EVA1C: variants seen among roughly 807,000 people sequenced by gnomAD.
The protein encoded by EVA1C is eva-1 homolog C, also known as protein eva-1 homolog C.
Under a neutral mutation model 45.4 loss-of-function variants are expected in EVA1C, and 25 were observed. The ratio of observed to expected loss-of-function variants is 0.55; its 90% confidence interval spans 0.40 to 0.77. The LOEUF is 0.77. Among genes scored for constraint, EVA1C ranks in the 30% least tolerant of loss-of-function variants. EVA1C has a pLI of 0.00. For missense variants in EVA1C, 479 were observed against 554.8 expected, an observed-to-expected ratio of 0.86 and a Z score of 1.37; for synonymous variants, 190 against 221.2, an observed-to-expected ratio of 0.86 and a Z score of 1.25.
intron 5 of EVA1C, 33 bp downstream of exon 5, chr21:32,495,203 A>T (rs1364741797): frequency 6.2e-7 from 1 of 1,607,800 alleles, no homozygotes; most frequent in Non-Finnish European, 8.5e-7. Flanking sequence ...CTGCCTGATG[A>T]CACTGCCTCT....
chr21:32,495,718 T>G (rs184822140), intron 5 of EVA1C, among the ~76,000 whole-genome samples: 1 of 152,374 alleles, frequency 6.6e-6, no homozygotes, highest in East Asian at 1.9e-4. Flanking sequence ...TGTCTTTAAA[T>G]GATAAAATGA....
chr21:32,485,301 A>T (rs901012929), intron 4 of EVA1C, among the ~76,000 whole-genome samples: 10 of 152,072 alleles, frequency 6.6e-5, no homozygotes, highest in African/African-American at 2.4e-4. Flanking sequence ...CAGAGTGGCT[A>T]GGATTACAGG....
At chr21:32,457,296 CT>C (rs2035820486) in intron 2 of EVA1C, among the ~76,000 whole-genome samples, 4 of 152,344 alleles carry the variant, frequency 2.6e-5, no homozygotes, top group Admixed American at 2.6e-4. Context: ...CTTGCACCCC[CT>C]GGAGCCTCGG....
Position 32,493,984 on chromosome 21 carries a change from G to A in EVA1C, c.635-1043G>A, listed in dbSNP as rs544647662. Among the ~76,000 whole-genome samples the A allele has an allele frequency of 2.0e-5, 3 of 152,128 alleles. No homozygotes were observed. In the East Asian group the frequency reaches 5.8e-4, roughly 30 times the overall value. On this transcript the variant is annotated intron_variant, in intron 4 of 7. Transcript: ENST00000300255. ...CCGGCTAATTTTTGTATTTTTAGTA[G>A]AGATGGGGTTTTGCCATGTTGGCCA...
intron 1 of EVA1C, among the ~76,000 whole-genome samples, chr21:32,449,935 T>C (rs2035517152): frequency 6.6e-6 from 1 of 152,208 alleles, no homozygotes; most frequent in South Asian, 2.1e-4. Flanking sequence ...GCCTAGGTTT[T>C]TGAAGAAGGA....
chr21:32,494,968 C>G, intron 4 of EVA1C, 59 bp from the exon 5 acceptor site: 2 of 1,535,568 alleles, frequency 1.3e-6, no homozygotes, highest in Non-Finnish European at 1.8e-6. Context: ...ATGCTGTAGG[C>G]TATGTGGTGG....
chr21:32,411,929 A>G (rs533668558), upstream of EVA1C: 9 of 152,346 alleles, frequency 5.9e-5, no homozygotes, highest in African/African-American at 2.2e-4. Flanking sequence ...CCCCGCGCAC[A>G]GTCTAGAGGT....
At chr21:32,487,156 A>G (rs1429357858) in intron 4 of EVA1C, among the ~76,000 whole-genome samples, 1 of 152,086 alleles carries the variant, frequency 6.6e-6, no homozygotes, top group Non-Finnish European at 1.5e-5. Flanking sequence ...TTTTAACCAC[A>G]CCTGAGTTTA....
At position 32,495,094 on chromosome 21, in the gene EVA1C, C is replaced by T. The variant is rs1418277654; in HGVS notation, c.702C>T (p.Ile234=). Reference sequence around the variant, plus strand: ...GCTATGGGAAGCAGAGATGCAAAATCATCGTCAACAATCACCATTTTGGAA... The same window carrying T: ...GCTATGGGAAGCAGAGATGCAAAATTATCGTCAACAATCACCATTTTGGAA... The part of the protein sequence containing the change: ...RRCYGKQRCK[I]IVNNHHFGSP... The change falls in exon 5 of 8, where the codon ATC becomes ATT. Residue 234 remains isoleucine, a synonymous_variant. Transcript: ENST00000300255. 1 of 1,614,028 alleles carries T rather than the reference C, an allele frequency of 6.2e-7. No homozygotes were observed. Among genetic ancestry groups the T allele is most frequent in the African/African-American group, 1.3e-5 (1 of 74,914 alleles).
chr21:32,501,065 G>A (rs1169342691), intron 5 of EVA1C, among the ~76,000 whole-genome samples: 9 of 152,180 alleles, frequency 5.9e-5, no homozygotes, highest in East Asian at 1.9e-4. Context: ...TGTCCACCTC[G>A]ACCTCCCGAA....
chr21:32,500,950 A>G (rs1201384663), intron 5 of EVA1C, among the ~76,000 whole-genome samples: 2 of 152,070 alleles, frequency 1.3e-5, no homozygotes, highest in Non-Finnish European at 2.9e-5. Flanking sequence ...AGTAGCTGGG[A>G]TTACAGCTGT....
intron 4 of EVA1C, among the ~76,000 whole-genome samples, chr21:32,482,854 CTTTTTTTTTTT>C (rs774611494): frequency 0.079 from 4,802 of 60,992 alleles, 120 homozygotes; most frequent in South Asian, 0.13. Context: ...GTGTTATTCC[CTTTTTTTTTTT>C]TTTTTTTTTT....
At position 32,515,318 on chromosome 21, in the gene EVA1C, C is replaced by CA; in HGVS notation, c.*129dup. ...TCATGTCATTCAACACTCGTGAGGC[C>CA]AGGAAGCTATTAAAGGGATGTTTCA... On this transcript the variant is annotated 3_prime_UTR_variant, in exon 8 of 8. Transcript: ENST00000300255. 9.7e-7 allele frequency: 1 copy of CA among 1,030,928 alleles called. No homozygotes were observed. The highest frequency in any genetic ancestry group is 1.4e-6 in the Non-Finnish European group (1 of 717,600). 63.9% of individuals were successfully genotyped at this position (1,030,928 alleles called of 1,614,324 possible).
At chr21:32,490,908 G>A (rs1022794426) in intron 4 of EVA1C, among the ~76,000 whole-genome samples, 1 of 152,232 alleles carries the variant, frequency 6.6e-6, no homozygotes, top group Non-Finnish European at 1.5e-5. Flanking sequence ...CAGAAGGGAT[G>A]GAGGTTATAA....
At chr21:32,449,062 AAAAG>A (rs1267735644) in intron 1 of EVA1C, among the ~76,000 whole-genome samples, 4 of 152,136 alleles carry the variant, frequency 2.6e-5, no homozygotes, top group Non-Finnish European at 4.4e-5. Context: ...AAGAGAAAAG[AAAAG>A]AAAGAAAAAT....
chr21:32,485,505 G>A (rs2036945016), intron 4 of EVA1C, among the ~76,000 whole-genome samples: 1 of 151,730 alleles, frequency 6.6e-6, no homozygotes, highest in Non-Finnish European at 1.5e-5. Context: ...TTCTTTCATG[G>A]AGCCCATAGG....
At chr21:32,418,716 T>C (rs2034147957) in intron 1 of EVA1C, among the ~76,000 whole-genome samples, 1 of 151,730 alleles carries the variant, frequency 6.6e-6, no homozygotes, top group African/African-American at 2.4e-5. Context: ...GCTGGGGACT[T>C]CGCCTGCAAG....
chr21:32,449,014 AG>A (rs2035476934), intron 1 of EVA1C, among the ~76,000 whole-genome samples: 1 of 143,492 alleles, frequency 7.0e-6, no homozygotes, highest in African/African-American at 3.0e-5. Flanking sequence ...GAGGGTGGGA[AG>A]GAAGGAAGGA....
At chr21:32,497,953 T>C (rs1471496500) in intron 5 of EVA1C, among the ~76,000 whole-genome samples, 1 of 151,960 alleles carries the variant, frequency 6.6e-6, no homozygotes, top group Admixed American at 6.6e-5. Context: ...TCCCACCAGG[T>C]CCCTCCCACA....
Sources: allele counts gnomAD v4.1 joint callset (sites outside exome capture counted in the v4.1 genomes callset), GRCh38; gene constraint gnomAD v4.1.1; transcripts MANE v1.5; gene names NCBI Gene and HGNC (gene_info 2026-07-23, HGNC 2026-07-21).